Variants in CDH9 observed in about 807,000 individuals in gnomAD.
CDH9 encodes cadherin-9.
CDH9 carries 28 observed loss-of-function variants against 70.9 expected under a neutral mutation model. The observed-to-expected ratio is 0.40, with a 90% confidence interval of 0.29 to 0.54. CDH9 has a LOEUF of 0.54. Ranked by LOEUF, CDH9 falls within the 20% of genes least tolerant of loss-of-function variation. The pLI, the probability that CDH9 is intolerant of heterozygous loss-of-function variation, is 0.59. For synonymous variants in CDH9, 409 were observed against 343.1 expected (o/e 1.19, Z -2.12); for missense variants, 874 against 984.4 (o/e 0.89, Z 1.50).
intron 2 of CDH9, among the ~76,000 whole-genome samples, chr5:26,955,075 A>T (rs28532059): frequency 1.3e-5 from 2 of 152,166 alleles, no homozygotes; most frequent in African/African-American, 4.8e-5. Flanking sequence ...GATTGTTTAG[A>T]TGTCATCCTA....
At chr5:26,960,516 A>G (rs1388104031) in intron 2 of CDH9, among the ~76,000 whole-genome samples, 1 of 152,038 alleles carries the variant, frequency 6.6e-6, no homozygotes, top group Non-Finnish European at 1.5e-5. Flanking sequence ...GAGTTCAATT[A>G]GAAAACAAAC....
rs767582762 is a variant in CDH9, at chr5:26,902,570, A to T, written c.1159T>A (p.Ser387Thr). ...IDEPPVFTKV[S>T]YLIEVDEDVK... ...TCTTCATCTACTTCTATCAAGTAAG[A>T]GACTTTAGTGAACACAGGAGGCTCA... Residue 387 changes from serine to threonine, a missense_variant, in exon 7 of 12, where the codon TCT (serine) becomes ACT (threonine). Transcript: ENST00000231021. The T allele has an allele frequency of 6.3e-7, 1 of 1,597,214 alleles. No individual in the cohort carries two copies. The highest frequency in any genetic ancestry group is 1.1e-5 in the South Asian group (1 of 90,754).
intron 1 of CDH9, among the ~76,000 whole-genome samples, chr5:26,996,682 G>A (rs933670791): frequency 4.6e-5 from 7 of 151,350 alleles, no homozygotes; most frequent in African/African-American, 1.7e-4. Flanking sequence ...ATGTGTACAT[G>A]TATAAATATA....
chr5:26,972,579 T>G (rs1349423577), intron 2 of CDH9, among the ~76,000 whole-genome samples: 1 of 152,146 alleles, frequency 6.6e-6, no homozygotes, highest in Non-Finnish European at 1.5e-5. Flanking sequence ...CTTTTCAGTC[T>G]GAGTTTGGGT....
chr5:26,890,003 G>A (rs1314761347), intron 8 of CDH9, 46 bp from the exon 9 acceptor site: 2 of 1,584,166 alleles, frequency 1.3e-6, no homozygotes, highest in East Asian at 4.5e-5. Context: ...TTACACAGAA[G>A]CAGTGAAACC....
intron 1 of CDH9, among the ~76,000 whole-genome samples, chr5:27,017,848 A>C (rs1227666137): frequency 6.6e-6 from 1 of 152,010 alleles, no homozygotes; most frequent in Non-Finnish European, 1.5e-5. Context: ...CTATCTGTCT[A>C]ATTCACATAT....
intron 2 of CDH9, among the ~76,000 whole-genome samples, chr5:26,948,391 C>A (rs1424160750): frequency 6.6e-6 from 1 of 152,184 alleles, no homozygotes; most frequent in Non-Finnish European, 1.5e-5. Flanking sequence ...CAGAAACTCA[C>A]CCAATATCAA....
intron 2 of CDH9, among the ~76,000 whole-genome samples, chr5:26,966,109 G>T (rs1742124860): frequency 6.6e-6 from 1 of 152,100 alleles, no homozygotes; most frequent in South Asian, 2.1e-4. Flanking sequence ...GCTATTGAGG[G>T]AAAGGGAGCC....
intron 2 of CDH9, among the ~76,000 whole-genome samples, chr5:26,972,061 AG>A (rs1308279064): frequency 6.6e-6 from 1 of 152,208 alleles, no homozygotes; most frequent in African/African-American, 2.4e-5. Context: ...ATGGCAATCT[AG>A]ATGTATTCGA....
At chr5:26,973,255 A>G (rs1742251277) in intron 2 of CDH9, among the ~76,000 whole-genome samples, 1 of 152,034 alleles carries the variant, frequency 6.6e-6, no homozygotes, top group South Asian at 2.1e-4. Flanking sequence ...AAAATTGACT[A>G]CTGAATGTGC....
chr5:26,963,098 T>A (rs1742066245), intron 2 of CDH9, among the ~76,000 whole-genome samples: 1 of 152,208 alleles, frequency 6.6e-6, no homozygotes, highest in Non-Finnish European at 1.5e-5. Context: ...ATGATGCAGA[T>A]AAATACTGAG....
intron 2 of CDH9, among the ~76,000 whole-genome samples, chr5:26,965,837 T>C (rs923196531): frequency 1.2e-4 from 18 of 152,120 alleles, no homozygotes; most frequent in South Asian, 6.2e-4. Flanking sequence ...GCAACAGTGA[T>C]AGCAAAAAAC....
intron 2 of CDH9, among the ~76,000 whole-genome samples, chr5:26,987,091 CTTTTTTTTTT>C (rs201154706): frequency 9.2e-6 from 1 of 108,284 alleles, no homozygotes; most frequent in Non-Finnish European, 1.8e-5. Context: ...CACTTGTATT[CTTTTTTTTTT>C]TTTTTTTTTT....
At chr5:26,927,371 C>T (rs1371558851) in intron 2 of CDH9, among the ~76,000 whole-genome samples, 4 of 152,012 alleles carry the variant, frequency 2.6e-5, no homozygotes, top group Non-Finnish European at 5.9e-5. Context: ...TGTTATTCAA[C>T]ATAGCAGTGT....
Position 26,889,740 on chromosome 5 carries a change from C to G in CDH9, c.1512+96G>C. 5 of 687,924 alleles carry G rather than the reference C, an allele frequency of 7.3e-6. No individual in the cohort carries two copies. The South Asian group carries it at 1.0e-4, about 14-fold the overall frequency. The allele number at this position is 687,924 out of a possible 1,614,324, so 42.6% of individuals were successfully genotyped here. A position where few individuals can be genotyped will look rare whatever the true frequency, so the allele number is the denominator to read the frequency against. The stretch of plus-strand genomic sequence containing the variant: ...GTGGACAAGAAGTATTGACAACAGC[C>G]TGCACAAAAGAAATCCTGCAAATAA... On this transcript the variant is annotated intron_variant, in intron 9 of 11. Coordinates refer to ENST00000231021, the MANE Select transcript of CDH9 (RefSeq NM_016279.4).
intron 2 of CDH9, among the ~76,000 whole-genome samples, chr5:26,975,975 C>T (rs1459088168): frequency 1.3e-5 from 2 of 152,130 alleles, no homozygotes; most frequent in East Asian, 1.9e-4. Flanking sequence ...GAGAGTGAAA[C>T]CTCCAGGTCT....
intron 2 of CDH9, among the ~76,000 whole-genome samples, chr5:26,953,048 C>T (rs915740323): frequency 1.3e-5 from 2 of 152,008 alleles, no homozygotes; most frequent in Non-Finnish European, 2.9e-5. Flanking sequence ...GCATAAAGCA[C>T]GCTGCCTGCT....
chr5:26,942,018 A>C (rs58916423), intron 2 of CDH9, among the ~76,000 whole-genome samples: 121,524 of 151,942 alleles, frequency 0.8, 51,243 homozygotes, highest in East Asian at 0.99. Context: ...TCCTGTGATA[A>C]CCTCTTCATG....
chr5:26,969,408 T>C (rs1210821930), intron 2 of CDH9, among the ~76,000 whole-genome samples: 1 of 152,166 alleles, frequency 6.6e-6, no homozygotes, highest in Admixed American at 6.5e-5. Flanking sequence ...ACTATTGTTT[T>C]AATATTATTA....
Sources: gnomAD v4.1 joint callset for allele counts (sites outside exome capture counted in the v4.1 genomes callset) on GRCh38, gnomAD v4.1.1 for gene constraint, MANE v1.5 for transcripts, NCBI Gene and HGNC (gene_info 2026-07-23, HGNC 2026-07-21) for gene names.